NR4A1: variants seen among roughly 807,000 people sequenced by gnomAD.
The protein encoded by NR4A1 is nuclear receptor subfamily 4 group A member 1.
A neutral mutation model predicts 47.5 loss-of-function variants in NR4A1; 24 were observed. That is an observed-to-expected ratio of 0.50 (90% CI 0.37 to 0.71). The LOEUF (loss-of-function observed/expected upper bound fraction) is 0.71, where lower values mean the gene tolerates loss of function less well. Ranked by LOEUF, NR4A1 falls within the 30% of genes least tolerant of loss-of-function variation. The pLI is 0.00. For synonymous variants in NR4A1, 353 were observed against 345.7 expected (o/e 1.02, Z -0.24); for missense variants, 669 against 788.6 (o/e 0.85, Z 1.82).
chr12:52,051,290 C>T, upstream of NR4A1: 3 of 460,794 alleles, frequency 6.5e-6, no homozygotes, highest in Non-Finnish European at 8.6e-6. Flanking sequence ...GCTCCCCGGG[C>T]CGCACCTCCC....
chr12:52,043,910 TG>T (rs1938532524), intron 2 of NR4A1: 1 of 1,289,090 alleles, frequency 7.8e-7, no homozygotes, highest in Non-Finnish European at 1.0e-6. Flanking sequence ...AGGAGGAAGC[TG>T]GTGAGTCTTG....
At chr12:52,029,491 C>G (rs1482150211) in intron 1 of NR4A1, among the ~76,000 whole-genome samples, 1 of 152,166 alleles carries the variant, frequency 6.6e-6, no homozygotes, top group Non-Finnish European at 1.5e-5. Flanking sequence ...AGTTTGAGAC[C>G]AGCCTGGGCA....
Position 52,058,848 on chromosome 12 carries a change from C to G in NR4A1, c.1701C>G (p.Thr567=), listed in dbSNP as rs774993081. Residue 567 remains threonine, a synonymous_variant, in exon 7 of 7, where the codon ACC becomes ACG. Coordinates refer to ENST00000394825, the MANE Select transcript of NR4A1 (RefSeq NM_173157.3). ...TGCCCGAGCTGCGGACCCTGTGCAC[C>G]CAGGGCCTGCAGCGCATCTTCTACC... ...GKLPELRTLC[T]QGLQRIFYLK... 4.3e-6 allele frequency: 7 copies of G among 1,614,052 alleles called. No individual in the cohort carries two copies. In the East Asian group the frequency reaches 1.6e-4, roughly 36 times the overall value.
At chr12:52,042,276 T>C (rs1938469266) in intron 2 of NR4A1, among the ~76,000 whole-genome samples, 2 of 151,924 alleles carry the variant, frequency 1.3e-5, no homozygotes, top group African/African-American at 4.8e-5. Context: ...GTCTGGGGGC[T>C]GGGCTGGGAG....
In NR4A1 at chr12:52,028,227, A is replaced by G. The variant is rs1340970558; in HGVS notation, c.-84+5288A>G. Among the ~76,000 whole-genome samples, 122 of 148,276 alleles carry G rather than the reference A, an allele frequency of 8.2e-4. 1 individual carries two copies. Among genetic ancestry groups the G allele is most frequent in the African/African-American group, 2.9e-3 (118 of 40,396 alleles). Reference sequence around the variant, plus strand: ...CAAAAAAAAAAAAAAAAAAAAAAAAAAAGAAGAGAGAAGTATGAATGATTA... The same window carrying G: ...CAAAAAAAAAAAAAAAAAAAAAAAAGAAGAAGAGAGAAGTATGAATGATTA... On this transcript the variant is annotated intron_variant, in intron 1 of 7. Coordinates refer to the NR4A1 transcript ENST00000360284.
intron 1 of NR4A1, among the ~76,000 whole-genome samples, chr12:52,030,235 C>T (rs1485888821): frequency 6.6e-6 from 1 of 152,082 alleles, no homozygotes; most frequent in African/African-American, 2.4e-5. Flanking sequence ...GGCGGGGGTC[C>T]CAGCTCTGCA....
intron 1 of NR4A1, among the ~76,000 whole-genome samples, chr12:52,032,119 G>A (rs1456481561): frequency 6.6e-6 from 1 of 152,130 alleles, no homozygotes; most frequent in Non-Finnish European, 1.5e-5. Context: ...ACTTGACTGG[G>A]CTAAGGGATG....
At chr12:52,055,265 A>T in intron 2 of NR4A1, 61 bp downstream of exon 2, 3 of 1,592,516 alleles carry the variant, frequency 1.9e-6, no homozygotes, top group Non-Finnish European at 2.6e-6. Flanking sequence ...GCCTCATCCC[A>T]TTGGGACCTG....
intron 1 of NR4A1, chr12:52,052,567 CG>C: frequency 1.0e-6 from 1 of 985,578 alleles, no homozygotes; most frequent in Non-Finnish European, 1.2e-6. Context: ...TGCCTGAAGC[CG>C]GATTCTCCCC....
intron 1 of NR4A1, among the ~76,000 whole-genome samples, chr12:52,029,168 A>G (rs1420441632): frequency 1.3e-5 from 2 of 152,162 alleles, no homozygotes; most frequent in African/African-American, 2.4e-5. Context: ...CTGACCACAG[A>G]TTGCCTGTCC....
intron 2 of NR4A1, chr12:52,043,672 C>T: frequency 8.3e-7 from 1 of 1,199,780 alleles, no homozygotes; most frequent in Non-Finnish European, 1.1e-6. Flanking sequence ...GAGGCCGGCT[C>T]TGGTTTCTGC....
Position 52,056,143 on chromosome 12 carries a change from G to C in NR4A1, c.990G>C (p.Val330=). Residue 330 remains valine (V), a synonymous_variant, in exon 3 of 7, where the codon GTG becomes GTC. Transcript: ENST00000394825. ...GCCGCTTCCAGAAGTGCCTGGCGGT[G>C]GGCATGGTGAAGGAAGGTGTGTGGC... is the stretch of plus-strand genomic sequence containing the variant. ...QFCRFQKCLA[V]GMVKEVVRTD... The C allele has an allele frequency of 6.2e-7, 1 of 1,608,124 alleles. No individual in the cohort carries two copies. Among genetic ancestry groups the C allele is most frequent in the South Asian group, 1.1e-5 (1 of 90,088 alleles).
rs563018945 is a variant in NR4A1, at chr12:52,035,950, C to G, written c.-83-5860C>G. On this transcript the variant is annotated intron_variant, in intron 1 of 7. Coordinates refer to the NR4A1 transcript ENST00000360284. ...GGGCTGGGTGCTGGAGATTGTATAG[C>G]ATGCTCATAATTTAAGGTGGCTCCA... Among the ~76,000 whole-genome samples, 12 of 152,238 alleles carry G rather than the reference C, an allele frequency of 7.9e-5. No individual in the cohort carries two copies. The South Asian group carries it at 2.5e-3, about 32-fold the overall frequency.
At chr12:52,052,469 C>T (rs1939034518) in intron 1 of NR4A1, 2 of 985,566 alleles carry the variant, frequency 2.0e-6, no homozygotes, top group South Asian at 4.7e-5. Context: ...TGCCCCCTCC[C>T]CCAGTAGTCT....
chr12:52,033,197 C>T (rs1283182075), intron 1 of NR4A1, among the ~76,000 whole-genome samples: 4 of 152,188 alleles, frequency 2.6e-5, no homozygotes, highest in Non-Finnish European at 1.5e-5. Context: ...CGGCCGCCCC[C>T]GGGAGCGCAG....
chr12:52,035,609 T>G (rs1484695187), intron 1 of NR4A1, among the ~76,000 whole-genome samples: 1 of 152,212 alleles, frequency 6.6e-6, no homozygotes, highest in Non-Finnish European at 1.5e-5. Flanking sequence ...CCCCAACGCC[T>G]TGTCATTTTT....
At chr12:52,056,261 A>G in intron 3 of NR4A1, 102 bp downstream of exon 3, 2 of 1,476,814 alleles carry the variant, frequency 1.4e-6, no homozygotes. Flanking sequence ...AGAGGAGGGC[A>G]CGTCTTATTT....
At chr12:52,028,425 T>C (rs1938046969) in intron 1 of NR4A1, among the ~76,000 whole-genome samples, 1 of 151,406 alleles carries the variant, frequency 6.6e-6, no homozygotes. Context: ...AATACAAAAA[T>C]TAGCTGGGCG....
At chr12:52,056,274 A>C (rs2120506149) in intron 3 of NR4A1, 115 bp downstream of exon 3, 1 of 1,444,702 alleles carries the variant, frequency 6.9e-7, no homozygotes. Flanking sequence ...TCTTATTTCC[A>C]CCCCACCTCT....
Sources: gnomAD v4.1 joint callset for allele counts (sites outside exome capture counted in the v4.1 genomes callset) on GRCh38, gnomAD v4.1.1 for gene constraint, MANE v1.5 for transcripts, NCBI Gene and HGNC (gene_info 2026-07-23, HGNC 2026-07-21) for gene names.